UBE2E1: variants seen among roughly 807,000 people sequenced by gnomAD.
UBE2E1 encodes ubiquitin conjugating enzyme E2 E1.
A neutral mutation model predicts 21.4 loss-of-function variants in UBE2E1; 6 were observed. The observed-to-expected ratio is 0.28, with a 90% CI of 0.15 to 0.55. The LOEUF is 0.55. Among genes scored for constraint, UBE2E1 ranks in the 20% least tolerant of loss-of-function variants. The pLI, the probability that UBE2E1 is intolerant of heterozygous loss-of-function variation, is 0.93. For missense variants in UBE2E1, 142 were observed against 236.5 expected, an observed-to-expected ratio of 0.60 and a Z score of 2.62; for synonymous variants, 87 against 82.7, an observed-to-expected ratio of 1.05 and a Z score of -0.28.
chr3:23,824,663 G>C (rs1175058648), intron 3 of UBE2E1, among the ~76,000 whole-genome samples: 1 of 152,216 alleles, frequency 6.6e-6, no homozygotes, highest in Non-Finnish European at 1.5e-5. Flanking sequence ...CTGAAGATGC[G>C]TAGAAAGAAA....
chr3:23,839,593 G>A (rs74882381), intron 3 of UBE2E1, among the ~76,000 whole-genome samples: 1 of 151,672 alleles, frequency 6.6e-6, no homozygotes, highest in Non-Finnish European at 1.5e-5. Flanking sequence ...ATCTCCTTCT[G>A]CCTGAGAGAC....
rs72627026 is a variant in UBE2E1 at position 23,851,200 on chromosome 3, T to C, written c.204-36367T>C. Among the ~76,000 whole-genome samples, 911 of 152,302 alleles carry C rather than the reference T, an allele frequency of 6.0e-3. 18 individuals carry two copies. Among genetic ancestry groups the C allele is most frequent in the East Asian group, 0.051 (265 of 5,166 alleles). On this transcript the variant is annotated intron_variant, in intron 3 of 5. Transcript: ENST00000306627. ...CACTCTTGTCAAAAATCAATTTACC[T>C]GTAAATGTAAGAGTTTATTTCTGGG...
intron 3 of UBE2E1, among the ~76,000 whole-genome samples, chr3:23,829,200 G>A (rs1054877654): frequency 6.2e-5 from 9 of 146,246 alleles, no homozygotes; most frequent in Admixed American, 2.8e-4. Context: ...TCGCTTTGTT[G>A]CCTAGGCTGG....
chr3:23,807,761 T>C (rs1195903828), intron 2 of UBE2E1: 1 of 188,982 alleles, frequency 5.3e-6, no homozygotes, highest in Non-Finnish European at 1.1e-5. Flanking sequence ...ATCCCATTTC[T>C]TAATTACTAA....
At chr3:23,879,264 T>G in intron 3 of UBE2E1, 1 of 874,786 alleles carries the variant, frequency 1.1e-6, no homozygotes, top group South Asian at 1.3e-5. Flanking sequence ...TACTTTGTCC[T>G]AAACACCTAC....
intron 5 of UBE2E1, chr3:23,889,814 CAGA>C (rs746654301): frequency 1.1e-4 from 110 of 964,276 alleles, no homozygotes; most frequent in Middle Eastern, 1.1e-3. Context: ...TGTTTGAACC[CAGA>C]AGGTCAAAGC....
At chr3:23,831,232 C>T (rs1699858785) in intron 3 of UBE2E1, among the ~76,000 whole-genome samples, 1 of 152,112 alleles carries the variant, frequency 6.6e-6, no homozygotes, top group African/African-American at 2.4e-5. Context: ...CAACAGAAAC[C>T]AGGAATTCTC....
At position 23,870,320 on chromosome 3, in the gene UBE2E1, A is replaced by G. The variant is rs938860500; in HGVS notation, c.204-17247A>G. 2.6e-5 allele frequency among the ~76,000 whole-genome samples: 4 copies of G among 152,218 alleles called. No homozygotes were observed. The highest frequency in any genetic ancestry group is 6.5e-5 in the Admixed American group (1 of 15,288). On this transcript the variant is annotated intron_variant, in intron 3 of 5. Transcript: ENST00000306627. This position sits in a 1 kb window ranked among gnomAD's most constrained non-coding sequence, Gnocchi z 4.2. Reference sequence around the variant, plus strand: ...AGGAGCCAGTTGTGAAGTCACACTTATATCACTTTAGACTTAAATATCACC... The same window carrying G: ...AGGAGCCAGTTGTGAAGTCACACTTGTATCACTTTAGACTTAAATATCACC...
rs11332707 is a variant in UBE2E1, at chr3:23,831,697, C to CTTTTTT, written c.203+20195_203+20200dup. On this transcript the variant is annotated intron_variant, in intron 3 of 5. Coordinates refer to ENST00000306627, the MANE Select transcript of UBE2E1 (RefSeq NM_003341.5). ...CCACACCCAGCTAAGTTTTGTATTT[C>CTTTTTT]TTTTTTTTTTTTTCTGTGAGACAGA... 1.9e-3 allele frequency among the ~76,000 whole-genome samples: 274 copies of CTTTTTT among 141,534 alleles called. 7 individuals carry two copies. The East Asian group carries it at 0.024, about 12-fold the overall frequency. The allele number at this position is 141,534 out of a possible 152,430, so 92.9% of individuals were successfully genotyped here.
chr3:23,875,427 G>A (rs1044385003), intron 3 of UBE2E1, among the ~76,000 whole-genome samples: 18 of 152,178 alleles, frequency 1.2e-4, no homozygotes, highest in African/African-American at 4.1e-4. Context: ...ATAGCAGTCT[G>A]TGTAAATACC....
chr3:23,890,165 T>C (rs1319529035), intron 5 of UBE2E1, among the ~76,000 whole-genome samples: 4 of 152,174 alleles, frequency 2.6e-5, no homozygotes, highest in African/African-American at 7.2e-5. Flanking sequence ...CACAGCTGGA[T>C]GTTCATTGCA....
At position 23,887,531 on chromosome 3, in the gene UBE2E1, C is replaced by T; in HGVS notation, c.204-36C>T. On this transcript the variant is annotated intron_variant, in intron 3 of 5. Coordinates refer to ENST00000306627, the MANE Select transcript of UBE2E1 (RefSeq NM_003341.5). The surrounding 1 kb of genome is among the most constrained non-coding windows in gnomAD (Gnocchi z 4.4). ...ATACACTGTAAAAATTGGGATAGTGCCACCATCTGCTTATTTGTTGACGTA... is the reference window on the plus strand; with the variant it reads ...ATACACTGTAAAAATTGGGATAGTGTCACCATCTGCTTATTTGTTGACGTA... 6.3e-7 allele frequency: 1 copy of T among 1,585,034 alleles called. No individual in the cohort carries two copies. The highest frequency in any genetic ancestry group is 1.2e-5 in the South Asian group (1 of 85,840).
intron 3 of UBE2E1, among the ~76,000 whole-genome samples, chr3:23,866,106 C>T (rs1341296727): frequency 6.6e-6 from 1 of 152,332 alleles, no homozygotes; most frequent in Admixed American, 6.5e-5. Flanking sequence ...CATTCAGTCT[C>T]TCAGCCCTAT....
chr3:23,865,465 C>T (rs185880664), intron 3 of UBE2E1, among the ~76,000 whole-genome samples: 3 of 152,276 alleles, frequency 2.0e-5, no homozygotes, highest in South Asian at 2.1e-4. Flanking sequence ...GGTGATCCTC[C>T]CGCCTTAGCC....
At chr3:23,822,363 A>C (rs539325491) in intron 3 of UBE2E1, among the ~76,000 whole-genome samples, 97 of 152,336 alleles carry the variant, frequency 6.4e-4, no homozygotes, top group African/African-American at 2.2e-3. Context: ...GGTGTTATCT[A>C]CTTTCTACAC....
At chr3:23,856,230 A>G (rs959294541) in intron 3 of UBE2E1, among the ~76,000 whole-genome samples, 3 of 151,970 alleles carry the variant, frequency 2.0e-5, no homozygotes, top group Admixed American at 6.6e-5. Context: ...GGGTTTCACC[A>G]TATTGGCCAG....
intron 3 of UBE2E1, among the ~76,000 whole-genome samples, chr3:23,817,943 A>G (rs926439110): frequency 2.0e-5 from 3 of 152,194 alleles, no homozygotes; most frequent in Admixed American, 6.5e-5. Context: ...GGCTATCTGG[A>G]TAGAGACAGA....
At position 23,868,174 on chromosome 3, in the gene UBE2E1, G is replaced by A. The variant is rs138388038; in HGVS notation, c.204-19393G>A. Among the ~76,000 whole-genome samples, 428 of 152,262 alleles carry A rather than the reference G, an allele frequency of 2.8e-3. 4 individuals are homozygous for A. The highest frequency in any genetic ancestry group is 0.01 in the Middle Eastern group (3 of 294). On this transcript the variant is annotated intron_variant, in intron 3 of 5. Coordinates refer to ENST00000306627, the MANE Select transcript of UBE2E1 (RefSeq NM_003341.5). ...CTGGGCTTAAATGAAACATACATTC[G>A]AATGCCTGGAGTAAGAATTATTGAT...
Position 23,807,377 on chromosome 3 carries a change from C to A in UBE2E1, c.108C>A (p.Val36=), listed in dbSNP as rs1161634548. The part of the protein sequence containing the change: ...TNTPKKKESK[V]SMSKNSKLLS... ...CCCCCAAGAAGAAGGAGAGTAAAGT[C>A]AGCATGAGCAAAAACTCCAAACTCC... is the stretch of plus-strand genomic sequence containing the variant. Residue 36 remains valine (V), a synonymous_variant, in exon 2 of 6, where the codon GTC becomes GTA. Transcript: ENST00000306627. 6.2e-7 allele frequency: 1 copy of A among 1,613,686 alleles called. No individual in the cohort carries two copies. Among genetic ancestry groups the A allele is most frequent in the Non-Finnish European group, 8.5e-7 (1 of 1,179,894 alleles).
Sources: gnomAD v4.1 joint callset for allele counts (sites outside exome capture counted in the v4.1 genomes callset) on GRCh38, gnomAD v4.1.1 for gene constraint, Gnocchi (gnomAD v3.1) non-coding constraint, MANE v1.5 for transcripts, NCBI Gene and HGNC (gene_info 2026-07-23, HGNC 2026-07-21) for gene names.